CNNM2: variants seen among roughly 807,000 people sequenced by gnomAD.
The protein encoded by CNNM2 is cyclin and CBS domain divalent metal cation transport mediator 2.
CNNM2 carries 12 observed loss-of-function variants against 66.9 expected under a neutral mutation model. That is an observed-to-expected ratio of 0.18 (90% CI 0.11 to 0.29). The LOEUF (loss-of-function observed/expected upper bound fraction) is 0.29, where lower values mean the gene tolerates loss of function less well. CNNM2 is among the 10% of genes least tolerant of loss of function. The pLI, the probability that CNNM2 is intolerant of heterozygous loss-of-function variation, is 1.00. For missense variants in CNNM2, 705 were observed against 1,167.7 expected (o/e 0.60, Z 5.77); for synonymous variants, 557 against 501.8 (o/e 1.11, Z -1.47).
At chr10:103,028,814 C>CTTTTTTTTTTTTTTTTTTTTTT (rs67846722) in intron 1 of CNNM2, among the ~76,000 whole-genome samples, 5 of 126,180 alleles carry the variant, frequency 4.0e-5, no homozygotes, top group Admixed American at 1.8e-4. Context: ...TTTTCTTTTT[C>CTTTTTTTTTTTTTTTTTTTTTT]TTTTTTTTTT....
intron 6 of CNNM2, among the ~76,000 whole-genome samples, chr10:103,073,113 A>G (rs1429229287): frequency 6.6e-6 from 1 of 152,216 alleles, no homozygotes; most frequent in African/African-American, 2.4e-5. Flanking sequence ...CGAGCTGTTG[A>G]AAGGGACATG....
chr10:102,925,483 T>C (rs1002749300), intron 1 of CNNM2, among the ~76,000 whole-genome samples: 1 of 151,978 alleles, frequency 6.6e-6, no homozygotes, highest in African/African-American at 2.4e-5. Flanking sequence ...GTCAGCCCCT[T>C]GATTAAGGAA....
chr10:102,974,025 T>C (rs566878118), intron 1 of CNNM2, among the ~76,000 whole-genome samples: 4 of 152,240 alleles, frequency 2.6e-5, no homozygotes, highest in African/African-American at 9.6e-5. Context: ...AGGGAAGTTT[T>C]TTTGGAACTC....
At chr10:102,938,458 A>G (rs1423987497) in intron 1 of CNNM2, among the ~76,000 whole-genome samples, 2 of 151,112 alleles carry the variant, frequency 1.3e-5, no homozygotes, top group African/African-American at 4.9e-5. Context: ...AATGGAAAAA[A>G]AAAAAGAAAA....
At position 102,973,341 on chromosome 10, in the gene CNNM2, A is replaced by G. The variant is rs77318450; in HGVS notation, c.1621+53240A>G. On this transcript the variant is annotated intron_variant, in intron 1 of 7. Coordinates refer to ENST00000369878, the MANE Select transcript of CNNM2 (RefSeq NM_017649.5). ...GCCCAGACTGGAATACAGTGGTGCA[A>G]TTATGGCTCATTGGAGCCTCAGCCT... Among the ~76,000 whole-genome samples the G allele has an allele frequency of 0.079, 12,001 of 152,050 alleles. 564 individuals carry two copies. The highest frequency in any genetic ancestry group is 0.17 in the Middle Eastern group (49 of 294).
intron 1 of CNNM2, among the ~76,000 whole-genome samples, chr10:102,935,605 A>ATTTT (rs34763981): frequency 1.6e-5 from 2 of 128,054 alleles, no homozygotes; most frequent in Non-Finnish European, 1.6e-5. Context: ...TTAAAAAAAA[A>ATTTT]TTTTTTTTTT....
chr10:103,046,213 A>G (rs1165649954), intron 1 of CNNM2, among the ~76,000 whole-genome samples: 1 of 152,222 alleles, frequency 6.6e-6, no homozygotes, highest in Non-Finnish European at 1.5e-5. Flanking sequence ...ATGTTTGGTC[A>G]TGGTCTTCTG....
chr10:102,920,962 T>A, intron 1 of CNNM2: 2 of 385,962 alleles, frequency 5.2e-6, no homozygotes, highest in Non-Finnish European at 7.1e-6. Flanking sequence ...TGGGGCTTAT[T>A]TATTTCTTGA....
intron 1 of CNNM2, among the ~76,000 whole-genome samples, chr10:102,993,268 A>C (rs1359799078): frequency 6.6e-6 from 1 of 152,198 alleles, no homozygotes; most frequent in Non-Finnish European, 1.5e-5. Flanking sequence ...TCCCATGGTC[A>C]GAGTAGATTA....
At chr10:103,076,293 G>C in intron 7 of CNNM2, 23 bp downstream of exon 7, 2 of 1,549,234 alleles carry the variant, frequency 1.3e-6, no homozygotes, top group Non-Finnish European at 8.7e-7. Flanking sequence ...AGTGCAGTGT[G>C]GCTGGACCTG....
intron 1 of CNNM2, among the ~76,000 whole-genome samples, chr10:103,038,533 A>C (rs948638069): frequency 3.3e-5 from 5 of 152,192 alleles, no homozygotes; most frequent in African/African-American, 1.2e-4. Flanking sequence ...CATCGACGCT[A>C]ATAGATAAAT....
At chr10:102,922,112 C>A (rs2134154399) in intron 1 of CNNM2, among the ~76,000 whole-genome samples, 1 of 152,126 alleles carries the variant, frequency 6.6e-6, no homozygotes, top group East Asian at 1.9e-4. Flanking sequence ...TAATAATGCA[C>A]AAGATTTAAT....
At chr10:102,947,316 AGTTTCTAATTTGAAACGACTTT>A (rs1337277686) in intron 1 of CNNM2, among the ~76,000 whole-genome samples, 1 of 152,164 alleles carries the variant, frequency 6.6e-6, no homozygotes, top group East Asian at 1.9e-4. Context: ...GGCAAGCAGA[AGTTTCTAATTTGAAACGACTTT>A]GTTTCTGTTT....
Position 102,972,881 on chromosome 10 carries a change from G to A in CNNM2, c.1621+52780G>A, listed in dbSNP as rs960613106. Among the ~76,000 whole-genome samples, 4 of 152,278 alleles carry A rather than the reference G, an allele frequency of 2.6e-5. 1 individual carries two copies. The South Asian group carries it at 6.2e-4, about 24-fold the overall frequency. On this transcript the variant is annotated intron_variant, in intron 1 of 7. Transcript: ENST00000369878. ...ACTGCTGTACATTGTACCCTTTGCTGTGCACTGTAACTGTACAATCAAGTT... is the reference window on the plus strand; with the variant it reads ...ACTGCTGTACATTGTACCCTTTGCTATGCACTGTAACTGTACAATCAAGTT...
rs539606629 is a variant in CNNM2 at position 102,961,149 on chromosome 10, A to G, written c.1621+41048A>G. 5.3e-5 allele frequency among the ~76,000 whole-genome samples: 8 copies of G among 152,272 alleles called. No homozygotes were observed. In the East Asian group the frequency reaches 1.5e-3, roughly 29 times the overall value. On this transcript the variant is annotated intron_variant, in intron 1 of 7. Transcript: ENST00000369878. ...CGCCTCAGCCTCCCAAAGTGCTGGG[A>G]TTACAGGTGTGAGCCACCATACCTG...
chr10:102,940,804 C>T (rs1846405940), intron 1 of CNNM2, among the ~76,000 whole-genome samples: 2 of 152,020 alleles, frequency 1.3e-5, no homozygotes, highest in African/African-American at 4.8e-5. Context: ...TCACTGAAAC[C>T]TCCACCTCCA....
chr10:103,072,455 A>G lies in CNNM2; in HGVS notation c.2233+616A>G, dbSNP rs547018797. The stretch of plus-strand genomic sequence containing the variant: ...CAGGCAGGCGACCCCGCTTCTCCCC[A>G]CCACCAGGCAGGCGACCCCGCTTCT... On this transcript the variant is annotated intron_variant, in intron 6 of 7. Coordinates refer to ENST00000369878, the MANE Select transcript of CNNM2 (RefSeq NM_017649.5). Among the ~76,000 whole-genome samples the G allele has an allele frequency of 1.3e-3, 181 of 141,574 alleles. 3 individuals carry two copies. Among genetic ancestry groups the G allele is most frequent in the African/African-American group, 1.1e-3 (42 of 37,382 alleles). The allele number at this position is 141,574 out of a possible 152,430, so 92.9% of individuals were successfully genotyped here.
chr10:102,940,219 G>A (rs1590280629), intron 1 of CNNM2, among the ~76,000 whole-genome samples: 1 of 152,084 alleles, frequency 6.6e-6, no homozygotes, highest in African/African-American at 2.4e-5. Context: ...CTTCCAAGGT[G>A]TTGGGATTAC....
chr10:103,083,354 C>A lies in CNNM2; in HGVS notation c.*6174C>A, dbSNP rs1009987060. 2 of 152,110 alleles carry A rather than the reference C, an allele frequency of 1.3e-5. No homozygotes were observed. Among genetic ancestry groups the A allele is most frequent in the Non-Finnish European group, 2.9e-5 (2 of 67,998 alleles). 9.4% of individuals were successfully genotyped at this position (152,110 alleles called of 1,614,324 possible). A position where few individuals can be genotyped will look rare whatever the true frequency, so the allele number is the denominator to read the frequency against. On this transcript the variant is annotated 3_prime_UTR_variant, in exon 8 of 8. Coordinates refer to ENST00000369878, the MANE Select transcript of CNNM2 (RefSeq NM_017649.5). ...TGTTTTACAAGGTTTTTGTTTATTTCTATTCTATTTAGATAAATGATGTTC... is the reference window on the plus strand; with the variant it reads ...TGTTTTACAAGGTTTTTGTTTATTTATATTCTATTTAGATAAATGATGTTC...
Sources: allele counts gnomAD v4.1 joint callset (sites outside exome capture counted in the v4.1 genomes callset), GRCh38; gene constraint gnomAD v4.1.1; transcripts MANE v1.5; gene names NCBI Gene and HGNC (gene_info 2026-07-23, HGNC 2026-07-21).